Variants in CNGB3 observed in about 807,000 individuals in gnomAD.
The protein encoded by CNGB3 is cyclic nucleotide gated channel subunit beta 3.
A neutral mutation model predicts 92.8 loss-of-function variants in CNGB3; 86 were observed. The observed-to-expected ratio is 0.93, with a 90% confidence interval of 0.78 to 1.11. The LOEUF is 1.11. Ranked by LOEUF, CNGB3 falls within the 50% of genes least tolerant of loss-of-function variation. CNGB3 has a pLI of 0.00. For missense variants in CNGB3, 1,026 were observed against 956.8 expected (o/e 1.07, Z -0.95); for synonymous variants, 333 against 332.7 (o/e 1.00, Z -0.01).
chr8:86,738,542 G>T (rs539382086), intron 2 of CNGB3, among the ~76,000 whole-genome samples: 1 of 152,084 alleles, frequency 6.6e-6, no homozygotes, highest in Non-Finnish European at 1.5e-5. Context: ...TGCTGAGATC[G>T]GAAAGAAAGG....
intron 3 of CNGB3, among the ~76,000 whole-genome samples, chr8:86,687,663 G>A (rs1312120094): frequency 6.6e-6 from 1 of 152,012 alleles, no homozygotes; most frequent in Non-Finnish European, 1.5e-5. Context: ...GAATGTATAA[G>A]TGCACTTTGG....
chr8:86,592,417 T>C (rs1293641168), intron 15 of CNGB3, among the ~76,000 whole-genome samples: 2 of 152,222 alleles, frequency 1.3e-5, no homozygotes, highest in East Asian at 3.8e-4. Flanking sequence ...TTTCCCAAGT[T>C]CTTTTTTATG....
At chr8:86,729,557 A>G (rs1825125096) in intron 2 of CNGB3, among the ~76,000 whole-genome samples, 1 of 152,256 alleles carries the variant, frequency 6.6e-6, no homozygotes, top group South Asian at 2.1e-4. Context: ...TACAAAATAA[A>G]TCCTCATTAA....
At chr8:86,658,742 GTTC>G (rs1585998160) in intron 6 of CNGB3, 1 of 489,738 alleles carries the variant, frequency 2.0e-6, no homozygotes, top group Admixed American at 2.8e-5. Context: ...TGATCTCCAT[GTTC>G]TCATTGTTCA....
In CNGB3 at chr8:86,647,781, AT is replaced by A. The variant is rs768607083; in HGVS notation, c.990+19del. On this transcript the variant is annotated intron_variant, in intron 8 of 17. Coordinates refer to ENST00000320005, the MANE Select transcript of CNGB3 (RefSeq NM_019098.5). Reference sequence around the variant, plus strand: ...TATTTCCATTATAAGGGAAAAGACAATTAAATATAGTTATCTTACCTTTAAC... The same window carrying A: ...TATTTCCATTATAAGGGAAAAGACAATAAATATAGTTATCTTACCTTTAAC... The A allele has an allele frequency of 8.2e-7, 1 of 1,212,938 alleles. No individual in the cohort carries two copies. Among genetic ancestry groups the A allele is most frequent in the Non-Finnish European group, 1.2e-6 (1 of 815,926 alleles). 75.1% of individuals were successfully genotyped at this position (1,212,938 alleles called of 1,614,324 possible).
At chr8:86,682,310 A>T (rs1330732021) in intron 3 of CNGB3, among the ~76,000 whole-genome samples, 1 of 152,172 alleles carries the variant, frequency 6.6e-6, no homozygotes, top group Non-Finnish European at 1.5e-5. Context: ...ACCTAGAGAA[A>T]AATAAGTCCT....
intron 3 of CNGB3, among the ~76,000 whole-genome samples, chr8:86,716,960 G>A (rs1824865535): frequency 6.6e-6 from 1 of 152,090 alleles, no homozygotes; most frequent in Admixed American, 6.6e-5. Context: ...AAAGTGTCTG[G>A]TGTCTTCAGG....
intron 17 of CNGB3, among the ~76,000 whole-genome samples, 193 bp from the exon 18 acceptor site, chr8:86,576,323 T>C (rs893398696): frequency 1.3e-5 from 2 of 152,180 alleles, no homozygotes. Context: ...AATGGACTTG[T>C]TGCCTTTGAC....
chr8:86,706,359 GTACGGTTTAAGCAAAACAT>G (rs1824652206), intron 3 of CNGB3, among the ~76,000 whole-genome samples: 2 of 152,122 alleles, frequency 1.3e-5, no homozygotes. Flanking sequence ...ACACATGTTG[GTACGGTTTAAGCAAAACAT>G]TCATTACTTT....
intron 3 of CNGB3, among the ~76,000 whole-genome samples, chr8:86,691,252 A>G (rs1248880755): frequency 1.3e-5 from 2 of 152,198 alleles, no homozygotes; most frequent in African/African-American, 2.4e-5. Flanking sequence ...GAATTCATTT[A>G]TAAGATCTAG....
chr8:86,679,210 T>A (rs1369249872), intron 3 of CNGB3, among the ~76,000 whole-genome samples: 1 of 152,218 alleles, frequency 6.6e-6, no homozygotes, highest in Non-Finnish European at 1.5e-5. Context: ...ACTTTGAAGA[T>A]TTTTTAGTTA....
At chr8:86,628,701 A>G (rs1177091239) in intron 12 of CNGB3, among the ~76,000 whole-genome samples, 1 of 152,078 alleles carries the variant, frequency 6.6e-6, no homozygotes, top group Non-Finnish European at 1.5e-5. Flanking sequence ...GAAGATGCTG[A>G]TTAAAATTTA....
intron 10 of CNGB3, among the ~76,000 whole-genome samples, chr8:86,636,572 C>CAAAAAAAAAAAAAAAA (rs57907634): frequency 5.0e-5 from 2 of 40,092 alleles, no homozygotes; most frequent in Non-Finnish European, 8.3e-5. Flanking sequence ...GACCCTGTCT[C>CAAAAAAAAAAAAAAAA]AAAAAAAAAA....
Position 86,662,672 on chromosome 8 carries a change from G to A in CNGB3, c.852+4253C>T, listed in dbSNP as rs111545797. Among the ~76,000 whole-genome samples, 82 of 152,258 alleles carry A rather than the reference G, an allele frequency of 5.4e-4. 1 individual carries two copies. The highest frequency in any genetic ancestry group is 1.6e-3 in the African/African-American group (67 of 41,540). On this transcript the variant is annotated intron_variant, in intron 6 of 17. Transcript: ENST00000320005. ...GGAAAGTTTGCTACATTTGCAGTAG[G>A]GAGGAGCCTGGTCCCTCCTCTTCCT...
Position 86,651,508 on chromosome 8 carries a change from G to A in CNGB3, c.903+2504C>T, listed in dbSNP as rs73271595. ...TTGTAACAAGTTAAGTGTACAGAAC[G>A]TAATTAAAATAATGTATTTAAAATA... On this transcript the variant is annotated intron_variant, in intron 7 of 17. Transcript: ENST00000320005. Among the ~76,000 whole-genome samples, 803 of 151,886 alleles carry A rather than the reference G, an allele frequency of 5.3e-3. 3 individuals are homozygous for A. The highest frequency in any genetic ancestry group is 8.5e-3 in the Non-Finnish European group (575 of 67,794).
rs115384111 is a variant in CNGB3, at chr8:86,671,619, T to G, written c.339-521A>C. 3.0e-3 allele frequency among the ~76,000 whole-genome samples: 454 copies of G among 152,346 alleles called. 1 individual carries two copies. Among genetic ancestry groups the G allele is most frequent in the African/African-American group, 0.01 (427 of 41,580 alleles). On this transcript the variant is annotated intron_variant, in intron 3 of 17. Transcript: ENST00000320005. ...CTGACACAGCAAGAAGGCAGAGATT[T>G]GAAGTACAAGGGAGATTTTACTTGA...
chr8:86,619,939 T>C (rs1478326881), intron 13 of CNGB3, among the ~76,000 whole-genome samples: 1 of 152,008 alleles, frequency 6.6e-6, no homozygotes. Context: ...CAGGCTGGTT[T>C]TGAGCTCCTG....
chr8:86,612,506 G>A (rs1370646230), intron 13 of CNGB3, among the ~76,000 whole-genome samples: 1 of 152,188 alleles, frequency 6.6e-6, no homozygotes, highest in Admixed American at 6.5e-5. Context: ...TGAACTAATT[G>A]TAGAGTCAGT....
intron 8 of CNGB3, among the ~76,000 whole-genome samples, chr8:86,645,876 T>G (rs1455314980): frequency 6.6e-6 from 1 of 151,170 alleles, no homozygotes; most frequent in African/African-American, 2.4e-5. Context: ...CATTTATAAC[T>G]TGGAGACATA....
Sources: allele counts gnomAD v4.1 joint callset (sites outside exome capture counted in the v4.1 genomes callset), GRCh38; gene constraint gnomAD v4.1.1; transcripts MANE v1.5; gene names NCBI Gene and HGNC (gene_info 2026-07-23, HGNC 2026-07-21).